HSPG2: variants seen among roughly 807,000 people sequenced by gnomAD.
HSPG2 encodes the protein heparan sulfate proteoglycan 2.
HSPG2 carries 278 observed loss-of-function variants against 526.6 expected under a neutral mutation model. The observed-to-expected ratio is 0.53, with a 90% CI of 0.48 to 0.58. The LOEUF (loss-of-function observed/expected upper bound fraction) is 0.58, where lower values mean the gene tolerates loss of function less well. HSPG2 is among the 20% of genes least tolerant of loss of function. The pLI, the probability that HSPG2 is intolerant of heterozygous loss-of-function variation, is 0.00. For synonymous variants in HSPG2, 2,465 were observed against 2,555.4 expected (o/e 0.96, Z 1.07); for missense variants, 5,354 against 6,099.5 (o/e 0.88, Z 4.07).
chr1:21,835,277 C>T lies in HSPG2; in HGVS notation c.10453+263G>A, dbSNP rs2098021842. 4 of 598,318 alleles carry T rather than the reference C, an allele frequency of 6.7e-6. No homozygotes were observed. In the East Asian group the frequency reaches 1.1e-4, roughly 17 times the overall value. The allele number at this position is 598,318 out of a possible 1,614,324, so 37.1% of individuals were successfully genotyped here. A position where few individuals can be genotyped will look rare whatever the true frequency, so the allele number is the denominator to read the frequency against. ...TAGGTGGGACTACAGGTGCGTTCCA[C>T]CATGCCCGGTTCACACTGATTCAAT... On this transcript the variant is annotated intron_variant, in intron 76 of 96. Transcript: ENST00000374695.
At position 21,830,673 on chromosome 1, in the gene HSPG2, A is replaced by G. The variant is rs566429109; in HGVS notation, c.11671+309T>C. The G allele has an allele frequency of 7.7e-4, 262 of 338,066 alleles. 2 individuals carry two copies. The South Asian group carries it at 9.2e-3, about 12-fold the overall frequency. 20.9% of individuals were successfully genotyped at this position (338,066 alleles called of 1,614,324 possible). A position where few individuals can be genotyped will look rare whatever the true frequency, so the allele number is the denominator to read the frequency against. ...CCACTGCACTCCAGCCTGGGCAACAAGAGCGAAACTTCGTCTCAAAAAAAA... is the reference window on the plus strand; with the variant it reads ...CCACTGCACTCCAGCCTGGGCAACAGGAGCGAAACTTCGTCTCAAAAAAAA... On this transcript the variant is annotated intron_variant, in intron 85 of 96. Coordinates refer to ENST00000374695, the MANE Select transcript of HSPG2 (RefSeq NM_005529.7).
Position 21,859,482 on chromosome 1 carries a change from G to A in HSPG2, c.5293+84C>T, listed in dbSNP as rs1639608804. On this transcript the variant is annotated intron_variant, in intron 42 of 96. Coordinates refer to ENST00000374695, the MANE Select transcript of HSPG2 (RefSeq NM_005529.7). The surrounding 1 kb of genome is among the most constrained non-coding windows in gnomAD (Gnocchi z 5.3). ...GGCAACCACTGCCCCCTCCCAGCAG[G>A]TGAATGCACCATCTGCCTGAATCTG... The A allele has an allele frequency of 2.8e-6, 3 of 1,062,324 alleles. No individual in the cohort carries two copies. Among genetic ancestry groups the A allele is most frequent in the East Asian group, 2.6e-5 (1 of 38,670 alleles). 65.8% of individuals were successfully genotyped at this position (1,062,324 alleles called of 1,614,324 possible). A position where few individuals can be genotyped will look rare whatever the true frequency, so the allele number is the denominator to read the frequency against.
chr1:21,860,263 G>A, intron 39 of HSPG2, 28 bp from the exon 40 acceptor site: 3 of 1,606,032 alleles, frequency 1.9e-6, no homozygotes, highest in South Asian at 2.2e-5. Flanking sequence ...GGCCGGCAAT[G>A]TCAGGCCTCA....
Position 21,829,393 on chromosome 1 carries a change from C to A in HSPG2, c.11982G>T (p.Glu3994Asp), listed in dbSNP as rs139290729. The A allele has an allele frequency of 3.5e-4, 572 of 1,613,290 alleles. No individual in the cohort carries two copies. Among genetic ancestry groups the A allele is most frequent in the Non-Finnish European group, 4.6e-4 (538 of 1,179,934 alleles). The change falls in exon 87 of 97, where the codon GAG (glutamate) becomes GAT (aspartate). Residue 3994 changes from glutamate to aspartate, a missense_variant. Transcript: ENST00000374695. ...GTGCTGGGTGCTTACCTGACCCCAA[C>A]TCATAGCGGAACTCCAGGTGGCCGC... ...MVGGHLEFRY[E>D]LGSGLAVLRS...
chr1:21,871,121 T>C (rs10917057), intron 33 of HSPG2, among the ~76,000 whole-genome samples: 149,716 of 152,224 alleles, frequency 0.98, 73,672 homozygotes, highest in Middle Eastern at 1. Context: ...TTTGGGCAGG[T>C]TGTCCCAGAG....
At chr1:21,919,386 A>G (rs190606966) in intron 1 of HSPG2, among the ~76,000 whole-genome samples, 17 of 150,808 alleles carry the variant, frequency 1.1e-4, no homozygotes, top group Non-Finnish European at 2.4e-4. Flanking sequence ...AGATTGTGCC[A>G]CTGCACTCCA....
chr1:21,903,996 T>A (rs1409172157), intron 1 of HSPG2, among the ~76,000 whole-genome samples: 1 of 152,202 alleles, frequency 6.6e-6, no homozygotes, highest in Non-Finnish European at 1.5e-5. Flanking sequence ...ATCGATCAGA[T>A]CTGTCCCATT....
chr1:21,862,238 G>T, intron 37 of HSPG2, 123 bp from the exon 38 acceptor site: 1 of 1,148,282 alleles, frequency 8.7e-7, no homozygotes. Flanking sequence ...AAAGAATCAT[G>T]GAAGGGCACA....
Position 21,887,697 on chromosome 1 carries a change from AT to A in HSPG2, c.704-24del. 6.2e-7 allele frequency: 1 copy of A among 1,613,764 alleles called. No individual in the cohort carries two copies. The highest frequency in any genetic ancestry group is 2.2e-5 in the East Asian group (1 of 44,872). On this transcript the variant is annotated intron_variant, in intron 7 of 96. Transcript: ENST00000374695. The surrounding 1 kb of genome is among the most constrained non-coding windows in gnomAD (Gnocchi z 5.0). ...CCTCTGTGGATAGATTCCGCTTGGC[AT>A]TTGGCAGAAGCAGATGGCTCCTCAC... is the stretch of plus-strand genomic sequence containing the variant.
chr1:21,839,731 C>A lies in HSPG2; in HGVS notation c.9709+91G>T. ...TCTCCCCGTACTCCCCACCCCTGGG[C>A]ATGACATCATCTCTAGATCACATGT... On this transcript the variant is annotated intron_variant, in intron 72 of 96. Transcript: ENST00000374695. This position sits in a 1 kb window ranked among gnomAD's most constrained non-coding sequence, Gnocchi z 4.5. 1 of 1,471,020 alleles carries A rather than the reference C, an allele frequency of 6.8e-7. No homozygotes were observed. The highest frequency in any genetic ancestry group is 1.2e-5 in the South Asian group (1 of 86,224). The allele number at this position is 1,471,020 out of a possible 1,614,324, so 91.1% of individuals were successfully genotyped here. A position where few individuals can be genotyped will look rare whatever the true frequency, so the allele number is the denominator to read the frequency against.
chr1:21,847,497 A>G lies in HSPG2; in HGVS notation c.8026-5T>C, dbSNP rs35917892. 0.056 allele frequency: 91,173 copies of G among 1,613,738 alleles called. 3,081 individuals are homozygous for G. The highest frequency in any genetic ancestry group is 0.11 in the South Asian group (9,936 of 91,078). ...CCGCAGGTGGGAGCCATGGGTCTGG[A>G]CGTGCGGATGGGGAAGGAGAGGGAG... On this transcript the variant is annotated splice_polypyrimidine_tract_variant and splice_region_variant and intron_variant, in intron 61 of 96. Transcript: ENST00000374695. This position sits in a 1 kb window ranked among gnomAD's most constrained non-coding sequence, Gnocchi z 4.1.
chr1:21,928,843 G>A (rs999791902), intron 1 of HSPG2, among the ~76,000 whole-genome samples: 2 of 151,340 alleles, frequency 1.3e-5, no homozygotes, highest in Non-Finnish European at 2.9e-5. Flanking sequence ...TCCGCCTCCC[G>A]GGTTCAAGTG....
chr1:21,897,524 CTT>C lies in HSPG2; in HGVS notation c.64-1216_64-1215del, dbSNP rs977687659. On this transcript the variant is annotated intron_variant, in intron 1 of 96. Coordinates refer to ENST00000374695, the MANE Select transcript of HSPG2 (RefSeq NM_005529.7). ...CCCTCTGCTGGAATGCCCTTCCTCT[CTT>C]TGTTTCTCAGGCGAACTCCAATGCA... Among the ~76,000 whole-genome samples the C allele has an allele frequency of 7.2e-5, 11 of 152,286 alleles. No homozygotes were observed. In the East Asian group the frequency reaches 9.7e-4, roughly 13 times the overall value.
At position 21,865,885 on chromosome 1, in the gene HSPG2, G is replaced by T; in HGVS notation, c.4222-76C>A. The T allele has an allele frequency of 8.6e-7, 1 of 1,157,422 alleles. No individual in the cohort carries two copies. The highest frequency in any genetic ancestry group is 1.2e-5 in the South Asian group (1 of 81,902). 71.7% of individuals were successfully genotyped at this position (1,157,422 alleles called of 1,614,324 possible). A position where few individuals can be genotyped will look rare whatever the true frequency, so the allele number is the denominator to read the frequency against. The stretch of plus-strand genomic sequence containing the variant: ...TTGGACCATATAGGTGAGGGATGGA[G>T]CATCTGGCGGCCTTTTTGCACCTGT... On this transcript the variant is annotated intron_variant, in intron 33 of 96. Transcript: ENST00000374695. This position sits in a 1 kb window ranked among gnomAD's most constrained non-coding sequence, Gnocchi z 5.4.
At position 21,848,881 on chromosome 1, in the gene HSPG2, C is replaced by T. The variant is rs1638667363; in HGVS notation, c.7585+12G>A. On this transcript the variant is annotated intron_variant, in intron 58 of 96. Transcript: ENST00000374695. The surrounding 1 kb of genome is among the most constrained non-coding windows in gnomAD (Gnocchi z 4.9). ...AGCCCTCCACCATTTGCATGACCCC[C>T]GAGACACTCACAGTGGGAGCCACTA... 5.0e-6 allele frequency: 8 copies of T among 1,613,504 alleles called. No individual in the cohort carries two copies. The highest frequency in any genetic ancestry group is 4.5e-5 in the East Asian group (2 of 44,890).
Position 21,828,576 on chromosome 1 carries a change from G to A in HSPG2, c.12238-150C>T, listed in dbSNP as rs1429994692. ...GGATTCTCGGTGTGGGGAGGGAGGC[G>A]CAGGAGTTGAGTGCCTACTGTGTGC... On this transcript the variant is annotated intron_variant, in intron 88 of 96. Coordinates refer to ENST00000374695, the MANE Select transcript of HSPG2 (RefSeq NM_005529.7). The surrounding 1 kb of genome is among the most constrained non-coding windows in gnomAD (Gnocchi z 6.0). 15 of 905,454 alleles carry A rather than the reference G, an allele frequency of 1.7e-5. No homozygotes were observed. Among genetic ancestry groups the A allele is most frequent in the South Asian group, 4.7e-5 (3 of 63,870 alleles). The allele number at this position is 905,454 out of a possible 1,614,324, so 56.1% of individuals were successfully genotyped here.
rs1000882484 is a variant in HSPG2, at chr1:21,824,164, C to A, written c.12856G>T (p.Asp4286Tyr). 6.2e-7 allele frequency: 1 copy of A among 1,613,754 alleles called. No individual in the cohort carries two copies. Among genetic ancestry groups the A allele is most frequent in the Admixed American group, 1.7e-5 (1 of 60,022 alleles). The stretch of plus-strand genomic sequence containing the variant: ...TGCCACTCGCCGTCATTGATGGGGT[C>A]CTCAGAGACCAGGCGGGCCTCCCCA... ...GSGEARLVSE[D>Y]PINDGEWHRV... Residue 4286 changes from aspartate (D) to tyrosine (Y), a missense_variant, in exon 95 of 97, where the codon GAC (aspartate) becomes TAC (tyrosine). Asp to Tyr is a radical substitution (Grantham distance 160, BLOSUM62 -3). Transcript: ENST00000374695. The surrounding 1 kb of genome is among the most constrained non-coding windows in gnomAD (Gnocchi z 5.9).
chr1:21,850,363 C>T lies in HSPG2; in HGVS notation c.7294G>A (p.Ala2432Thr), dbSNP rs759187895. ...CCTGCCCTCCCTGAGAGCTACTCAC[C>T]AGGCACTGAGCCCGCAGGCTCAATG... The part of the protein sequence containing the change: ...VTIEPAGSVP[A>T]LGVTPTVRIE... The change falls in exon 56 of 97, where the codon GCA becomes ACA. Residue 2432 changes from alanine (A) to threonine (T), a missense_variant and splice_region_variant. By Grantham distance (58) the Ala-to-Thr change is moderately conservative (BLOSUM62 0). Transcript: ENST00000374695. 1 of 1,606,632 alleles carries T rather than the reference C, an allele frequency of 6.2e-7. No homozygotes were observed. Among genetic ancestry groups the T allele is most frequent in the Non-Finnish European group, 8.5e-7 (1 of 1,176,920 alleles).
chr1:21,935,356 G>A (rs905406103), intron 1 of HSPG2, among the ~76,000 whole-genome samples: 1 of 152,176 alleles, frequency 6.6e-6, no homozygotes, highest in East Asian at 1.9e-4. Context: ...CTGTTTATTT[G>A]TCTAAATTAC....
Sources: gnomAD v4.1 joint callset for allele counts (sites outside exome capture counted in the v4.1 genomes callset) on GRCh38, gnomAD v4.1.1 for gene constraint, Gnocchi (gnomAD v3.1) non-coding constraint, MANE v1.5 for transcripts, NCBI Gene and HGNC (gene_info 2026-07-23, HGNC 2026-07-21) for gene names.